Variants in GPN3 observed in about 807,000 individuals in gnomAD.
GPN3 encodes GPN-loop GTPase 3.
GPN3 carries 31 observed loss-of-function variants against 38.7 expected under a neutral mutation model. The ratio of observed to expected loss-of-function variants is 0.80; its 90% CI spans 0.60 to 1.08. The LOEUF (loss-of-function observed/expected upper bound fraction) is 1.08. GPN3 is among the 50% of genes least tolerant of loss of function. GPN3 has a pLI of 0.00. For synonymous variants in GPN3, 116 were observed against 120.2 expected (o/e 0.96, Z 0.23); for missense variants, 301 against 354.4 (o/e 0.85, Z 1.21).
rs145938015 is a variant in GPN3, at chr12:110,466,419, A to G, written c.49-1205T>C. Among the ~76,000 whole-genome samples the G allele has an allele frequency of 6.8e-3, 1,042 of 152,288 alleles. 1 individual carries two copies. Among genetic ancestry groups the G allele is most frequent in the Non-Finnish European group, 9.3e-3 (636 of 68,022 alleles). The stretch of plus-strand genomic sequence containing the variant: ...CCAAAAATTAAAATAGACTATAGAA[A>G]AAACATCCATCATGCTGTCCTCTCA... On this transcript the variant is annotated intron_variant, in intron 1 of 7. Transcript: ENST00000228827.
At chr12:110,457,262 G>C (rs2062556563) in intron 4 of GPN3, among the ~76,000 whole-genome samples, 1 of 151,240 alleles carries the variant, frequency 6.6e-6, no homozygotes. Context: ...AGACCAGCCT[G>C]GCCAACATGG....
At chr12:110,465,656 A>G (rs2062622271) in intron 1 of GPN3, among the ~76,000 whole-genome samples, 1 of 152,210 alleles carries the variant, frequency 6.6e-6, no homozygotes, top group African/African-American at 2.4e-5. Flanking sequence ...GAGTTTGCCA[A>G]CCTAAGGGGA....
intron 2 of GPN3, 149 bp from the exon 3 acceptor site, chr12:110,460,011 C>T: frequency 1.6e-6 from 1 of 631,376 alleles, no homozygotes; most frequent in Non-Finnish European, 2.8e-6. Flanking sequence ...TAGCAGTGTC[C>T]ATCAATAGAG....
chr12:110,465,099 G>A lies in GPN3; in HGVS notation c.157+7C>T, dbSNP rs146214580. On this transcript the variant is annotated splice_region_variant and intron_variant, in intron 2 of 7. Coordinates refer to ENST00000228827, the MANE Select transcript of GPN3 (RefSeq NM_016301.4). ...GAAGGTGGGGGGAGCCTTTGCTCAGGACTTACCAGCCATCACGGAGTAGTT... is the reference window on the plus strand; with the variant it reads ...GAAGGTGGGGGGAGCCTTTGCTCAGAACTTACCAGCCATCACGGAGTAGTT... The A allele has an allele frequency of 4.0e-4, 600 of 1,492,110 alleles. 1 individual carries two copies. Among genetic ancestry groups the A allele is most frequent in the Non-Finnish European group, 5.2e-4 (561 of 1,068,624 alleles). 92.4% of individuals were successfully genotyped at this position (1,492,110 alleles called of 1,614,324 possible). A position where few individuals can be genotyped will look rare whatever the true frequency, so the allele number is the denominator to read the frequency against.
chr12:110,459,652 T>A, intron 3 of GPN3, 43 bp downstream of exon 3: 2 of 1,353,962 alleles, frequency 1.5e-6, no homozygotes. Flanking sequence ...GATGGAACTA[T>A]CAAGACTTTA....
chr12:110,456,761 G>A (rs970885985), intron 4 of GPN3, among the ~76,000 whole-genome samples: 2 of 150,240 alleles, frequency 1.3e-5, no homozygotes, highest in Non-Finnish European at 3.0e-5. Context: ...CGATCTTGGC[G>A]ATCTTGGCTC....
Position 110,455,844 on chromosome 12 carries a change from C to T in GPN3, c.537G>A (p.Leu179=). The change falls in exon 5 of 8, where the codon CTG becomes CTA. Residue 179 remains leucine, a synonymous_variant. Coordinates refer to ENST00000228827, the MANE Select transcript of GPN3 (RefSeq NM_016301.4). ...QVNIMTKMDL[L]SKKAKKEIEK... is the part of the protein sequence containing the mutation. ...CAATTTCCTTTTTTGCTTTTTTACT[C>T]AGCAGATCCATTTTTGTCATGATGT... 1.2e-6 allele frequency: 2 copies of T among 1,600,924 alleles called. No individual in the cohort carries two copies. The highest frequency in any genetic ancestry group is 1.1e-5 in the South Asian group (1 of 90,792).
At chr12:110,456,784 G>A (rs2135516460) in intron 4 of GPN3, among the ~76,000 whole-genome samples, 1 of 150,512 alleles carries the variant, frequency 6.6e-6, no homozygotes, top group South Asian at 2.1e-4. Context: ...TGCAACCTCT[G>A]CTTCCTGTAC....
chr12:110,465,569 T>C (rs2062621499), intron 1 of GPN3, among the ~76,000 whole-genome samples: 2 of 152,156 alleles, frequency 1.3e-5, no homozygotes, highest in South Asian at 2.1e-4. Context: ...CCAGGACTTG[T>C]ACAGTGCAAA....
In GPN3 at chr12:110,453,069, A is replaced by C; in HGVS notation, c.820T>G (p.Phe274Val). The C allele has an allele frequency of 6.8e-7, 1 of 1,477,594 alleles. No homozygotes were observed. The highest frequency in any genetic ancestry group is 1.1e-5 in the South Asian group (1 of 87,142). The allele number at this position is 1,477,594 out of a possible 1,614,324, so 91.5% of individuals were successfully genotyped here. Residue 274 changes from phenylalanine to valine, a missense_variant, in exon 8 of 8, where the codon TTT (phenylalanine) becomes GTT (valine). Physicochemically the swap from Phe to Val is conservative, Grantham distance 50. Transcript: ENST00000228827. ...TGGCATTCTTGAAAATATTCGTCAAACATAGAGGAAGACTCATCTTCACGT... is the reference window on the plus strand; with the variant it reads ...TGGCATTCTTGAAAATATTCGTCAACCATAGAGGAAGACTCATCTTCACGT... ...KEREDESSSM[F>V]DEYFQECQDE is the part of the protein sequence containing the mutation.
At chr12:110,468,500 T>C (rs529971357), upstream of GPN3, 3 of 1,537,176 alleles carry the variant, frequency 2.0e-6, no homozygotes, top group Non-Finnish European at 2.6e-6. Flanking sequence ...CAGATAAAGC[T>C]CCGCATCCTT....
At chr12:110,459,977 A>G (rs2062575878) in intron 2 of GPN3, 115 bp from the exon 3 acceptor site, 1 of 771,858 alleles carries the variant, frequency 1.3e-6, no homozygotes, top group African/African-American at 1.8e-5. Flanking sequence ...GCAGGAAATT[A>G]TTTATGTACA....
chr12:110,457,714 T>C (rs1038402965), intron 3 of GPN3, 80 bp from the exon 4 acceptor site: 7 of 1,041,400 alleles, frequency 6.7e-6, no homozygotes, highest in Non-Finnish European at 9.6e-6. Context: ...ATTTTCCCCA[T>C]AAGATGGACA....
At chr12:110,466,107 G>C (rs1226939866) in intron 1 of GPN3, among the ~76,000 whole-genome samples, 2 of 151,764 alleles carry the variant, frequency 1.3e-5, no homozygotes, top group African/African-American at 2.4e-5. Context: ...TAGGCTACTT[G>C]TCTGTGTCAT....
At chr12:110,468,649 C>A, upstream of GPN3, 1 of 1,537,168 alleles carries the variant, frequency 6.5e-7, no homozygotes, top group South Asian at 1.2e-5. Flanking sequence ...ATATTTCCCT[C>A]CTGTGACGCA....
Position 110,455,667 on chromosome 12 carries a change from G to T in GPN3, c.582C>A (p.Asp194Glu). 7.6e-7 allele frequency: 1 copy of T among 1,319,934 alleles called. No individual in the cohort carries two copies. The highest frequency in any genetic ancestry group is 1.1e-6 in the Non-Finnish European group (1 of 916,964). 81.8% of individuals were successfully genotyped at this position (1,319,934 alleles called of 1,614,324 possible). The change falls in exon 6 of 8, where the codon GAC (aspartate) becomes GAA (glutamate). Residue 194 changes from aspartate to glutamate, a missense_variant. Coordinates refer to ENST00000228827, the MANE Select transcript of GPN3 (RefSeq NM_016301.4). ...TAGAATCTTCTAATAAAGAATACAT[G>T]TCTGGATCTAAAAATCTTTAAAAGA... ...KKEIEKFLDP[D>E]MYSLLEDSTS...
At chr12:110,460,013 T>G in intron 2 of GPN3, 151 bp from the exon 3 acceptor site, 1 of 629,220 alleles carries the variant, frequency 1.6e-6, no homozygotes, top group South Asian at 2.0e-5. Context: ...GCAGTGTCCA[T>G]CAATAGAGAA....
chr12:110,457,475 A>T, intron 4 of GPN3, 35 bp downstream of exon 4: 1 of 1,410,498 alleles, frequency 7.1e-7, no homozygotes, highest in South Asian at 1.6e-5. Context: ...AAAAAAAAAA[A>T]AAAAAAAAAA....
intron 7 of GPN3, 132 bp downstream of exon 7, chr12:110,453,611 G>C: frequency 1.5e-6 from 1 of 665,656 alleles, no homozygotes; most frequent in Non-Finnish European, 2.6e-6. Context: ...AGATCACCCA[G>C]AAAAGCCCAG....
Sources: allele counts gnomAD v4.1 joint callset (sites outside exome capture counted in the v4.1 genomes callset), GRCh38; gene constraint gnomAD v4.1.1; transcripts MANE v1.5; gene names NCBI Gene and HGNC (gene_info 2026-07-23, HGNC 2026-07-21).